RBFOX1: variants seen among roughly 807,000 people sequenced by gnomAD.
RBFOX1 encodes the protein RNA binding protein fox-1 homolog 1.
RBFOX1 carries 8 observed loss-of-function variants against 57.7 expected under a neutral mutation model. The observed-to-expected ratio is 0.14, with a 90% CI of 0.08 to 0.25. The LOEUF (loss-of-function observed/expected upper bound fraction) is 0.25, where lower values mean the gene tolerates loss of function less well. Ranked by LOEUF, RBFOX1 falls within the 10% of genes least tolerant of loss-of-function variation. The pLI is 1.00. For missense variants in RBFOX1, 611 were observed against 548.5 expected (o/e 1.11, Z -1.14); for synonymous variants, 326 against 222.4 (o/e 1.47, Z -4.15).
intron 3 of RBFOX1, among the ~76,000 whole-genome samples, chr16:6,664,847 G>C (rs921673427): frequency 1.3e-5 from 2 of 152,192 alleles, no homozygotes; most frequent in African/African-American, 4.8e-5. Context: ...ATCTGGAGTT[G>C]AATCCCGGTT....
At chr16:5,642,072 T>A (rs2151332410) in intron 3 of RBFOX1, among the ~76,000 whole-genome samples, 1 of 152,314 alleles carries the variant, frequency 6.6e-6, no homozygotes, top group East Asian at 1.9e-4. Context: ...GGCCATGGTC[T>A]GGACTTAGGG....
chr16:6,842,258 T>G (rs1237069801), intron 3 of RBFOX1, among the ~76,000 whole-genome samples: 1 of 152,160 alleles, frequency 6.6e-6, no homozygotes, highest in Non-Finnish European at 1.5e-5. Context: ...TATCATTCTG[T>G]GGCATATATT....
chr16:6,909,549 A>C (rs1354424129), intron 3 of RBFOX1, among the ~76,000 whole-genome samples: 1 of 152,218 alleles, frequency 6.6e-6, no homozygotes, highest in East Asian at 1.9e-4. Flanking sequence ...CTTTATCTCC[A>C]GCAAACATGC....
chr16:7,249,395 C>T (rs2094429630), intron 4 of RBFOX1, among the ~76,000 whole-genome samples: 1 of 152,096 alleles, frequency 6.6e-6, no homozygotes. Context: ...AACCTGGGGA[C>T]ATCACTAGAC....
At chr16:6,911,847 G>C (rs974159277) in intron 3 of RBFOX1, among the ~76,000 whole-genome samples, 2 of 152,230 alleles carry the variant, frequency 1.3e-5, no homozygotes, top group Middle Eastern at 3.4e-3. Context: ...TCTCAGTAAA[G>C]TGATTTTAAG....
In RBFOX1 at chr16:5,278,460, A is replaced by G. The variant is rs1376141405; in HGVS notation, c.219+38355A>G. On this transcript the variant is annotated intron_variant, in intron 1 of 2. Transcript: ENST00000585867. ...CACTATGTACCGGCTGGTATTGCCTAGGTCGTCTTCCAGCGTTTTTATAGT... is the reference window on the plus strand; with the variant it reads ...CACTATGTACCGGCTGGTATTGCCTGGGTCGTCTTCCAGCGTTTTTATAGT... 2.6e-5 allele frequency among the ~76,000 whole-genome samples: 4 copies of G among 152,176 alleles called. No homozygotes were observed. In the East Asian group the frequency reaches 7.7e-4, roughly 29 times the overall value.
At chr16:6,332,475 A>T (rs970977291) in intron 2 of RBFOX1, among the ~76,000 whole-genome samples, 2 of 152,244 alleles carry the variant, frequency 1.3e-5, no homozygotes, top group African/African-American at 4.8e-5. Flanking sequence ...ACTATTAGGG[A>T]TGGCAGGAAT....
At chr16:7,260,179 C>T (rs1040675977) in intron 4 of RBFOX1, among the ~76,000 whole-genome samples, 3 of 152,130 alleles carry the variant, frequency 2.0e-5, no homozygotes, top group African/African-American at 4.8e-5. Context: ...CCAAGACTTT[C>T]ATATCATTAT....
chr16:5,293,609 T>A (rs1487033904), intron 1 of RBFOX1, among the ~76,000 whole-genome samples: 2 of 152,186 alleles, frequency 1.3e-5, no homozygotes, highest in African/African-American at 4.8e-5. Context: ...TTTTGTTTAT[T>A]CATTCATCAA....
intron 2 of RBFOX1, among the ~76,000 whole-genome samples, chr16:6,532,274 C>T (rs1021661075): frequency 3.3e-5 from 5 of 152,130 alleles, no homozygotes; most frequent in African/African-American, 1.2e-4. Flanking sequence ...TGTAACTTCT[C>T]TTGGGTACTC....
At chr16:5,651,002 C>G (rs1289013662) in intron 3 of RBFOX1, among the ~76,000 whole-genome samples, 1 of 147,556 alleles carries the variant, frequency 6.8e-6, no homozygotes, top group Non-Finnish European at 1.5e-5. Context: ...CTCCCTCTCC[C>G]TTTCTCTTCC....
intron 5 of RBFOX1, among the ~76,000 whole-genome samples, chr16:7,569,544 G>T (rs4786184): frequency 7.9e-5 from 12 of 152,198 alleles, no homozygotes; most frequent in African/African-American, 2.9e-4. Flanking sequence ...AGGTAATCCA[G>T]GATAATCTAT....
chr16:7,602,264 C>G (rs1422402066), intron 9 of RBFOX1, among the ~76,000 whole-genome samples: 1 of 152,122 alleles, frequency 6.6e-6, no homozygotes, highest in Non-Finnish European at 1.5e-5. Context: ...GAGGGGAGTG[C>G]AAATTCAGAT....
At chr16:5,464,132 G>A (rs541585360) in intron 1 of RBFOX1, among the ~76,000 whole-genome samples, 2 of 152,314 alleles carry the variant, frequency 1.3e-5, no homozygotes, top group African/African-American at 2.4e-5. Flanking sequence ...GGGGAAGGAG[G>A]CACAGCTGGG....
intron 4 of RBFOX1, among the ~76,000 whole-genome samples, chr16:7,071,758 T>C (rs968610563): frequency 6.6e-6 from 1 of 152,120 alleles, no homozygotes; most frequent in Admixed American, 6.5e-5. Context: ...TAAATATCAC[T>C]TAGACATCTT....
intron 4 of RBFOX1, among the ~76,000 whole-genome samples, chr16:7,227,651 G>T (rs982599735): frequency 6.6e-6 from 1 of 152,146 alleles, no homozygotes; most frequent in African/African-American, 2.4e-5. Flanking sequence ...TGGAGATGGG[G>T]GTGGGGGATT....
intron 2 of RBFOX1, among the ~76,000 whole-genome samples, chr16:6,590,215 ATTAC>A (rs1040385519): frequency 6.6e-6 from 1 of 152,170 alleles, no homozygotes; most frequent in South Asian, 2.1e-4. Context: ...TTCAAGAGCT[ATTAC>A]TTTTCTTTGA....
chr16:6,976,822 CAT>C (rs1210537458), intron 3 of RBFOX1, among the ~76,000 whole-genome samples: 9 of 141,506 alleles, frequency 6.4e-5, no homozygotes, highest in Admixed American at 2.9e-4. Flanking sequence ...TGATCTAGAT[CAT>C]ATATAATGTA....
At chr16:5,899,026 G>A (rs922678273) in intron 4 of RBFOX1, among the ~76,000 whole-genome samples, 5 of 151,326 alleles carry the variant, frequency 3.3e-5, no homozygotes, top group South Asian at 4.2e-4. Context: ...TTTGCAGTGA[G>A]CCTCACTGCT....
Sources: gnomAD v4.1 joint callset for allele counts (sites outside exome capture counted in the v4.1 genomes callset) on GRCh38, gnomAD v4.1.1 for gene constraint, MANE v1.5 for transcripts, NCBI Gene and HGNC (gene_info 2026-07-23, HGNC 2026-07-21) for gene names.